Variants in CATSPERB observed in about 807,000 individuals in gnomAD.
The protein encoded by CATSPERB is cation channel sperm-associated auxiliary subunit beta.
In CATSPERB, 93 loss-of-function variants were observed where a neutral mutation model predicts 128.3. That is an observed-to-expected ratio of 0.72 (90% CI 0.61 to 0.86). CATSPERB has a LOEUF of 0.86. CATSPERB is among the 40% of genes least tolerant of loss of function. The pLI is 0.00. For synonymous variants in CATSPERB, 381 were observed against 448.8 expected, an observed-to-expected ratio of 0.85 and a Z score of 1.91; for missense variants, 1,153 against 1,329.5, an observed-to-expected ratio of 0.87 and a Z score of 2.06.
At chr14:91,703,796 A>G (rs1164071117) in intron 7 of CATSPERB, among the ~76,000 whole-genome samples, 1 of 152,172 alleles carries the variant, frequency 6.6e-6, no homozygotes, top group African/African-American at 2.4e-5. Flanking sequence ...AAACTGGCAA[A>G]CCTAAATAAA....
At chr14:91,628,680 C>T (rs1344509230) in intron 17 of CATSPERB, among the ~76,000 whole-genome samples, 2 of 152,216 alleles carry the variant, frequency 1.3e-5, no homozygotes, top group Admixed American at 6.5e-5. Context: ...CATCTTCCAC[C>T]ATGGCCTCCC....
intron 9 of CATSPERB, among the ~76,000 whole-genome samples, chr14:91,692,194 A>AAAG (rs1279962002): frequency 3.1e-4 from 47 of 150,096 alleles, no homozygotes; most frequent in South Asian, 4.2e-4. Flanking sequence ...AAAAAAAAAA[A>AAAG]AAGAAGAAGT....
At chr14:91,687,409 C>T (rs540570933) in intron 10 of CATSPERB, among the ~76,000 whole-genome samples, 5 of 152,112 alleles carry the variant, frequency 3.3e-5, no homozygotes, top group South Asian at 2.1e-4. Context: ...TTCAGTGAAT[C>T]GAATTAGTCC....
intron 7 of CATSPERB, among the ~76,000 whole-genome samples, chr14:91,694,597 TTAA>T (rs903965379): frequency 6.6e-6 from 1 of 152,080 alleles, no homozygotes; most frequent in African/African-American, 2.4e-5. Context: ...ACAATTTTAG[TTAA>T]TAATAATTTT....
intron 20 of CATSPERB, among the ~76,000 whole-genome samples, chr14:91,611,539 G>C (rs757232544): frequency 6.4e-4 from 98 of 152,272 alleles, no homozygotes; most frequent in Non-Finnish European, 1.3e-3. Context: ...GAGCCCGGGA[G>C]GTGAAGGTTG....
At chr14:91,681,074 T>C (rs1429953795) in intron 11 of CATSPERB, among the ~76,000 whole-genome samples, 3 of 152,228 alleles carry the variant, frequency 2.0e-5, no homozygotes, top group African/African-American at 7.2e-5. Context: ...TCATATGTTA[T>C]ATGCATGTTC....
chr14:91,661,101 G>A (rs1419086655), intron 14 of CATSPERB, among the ~76,000 whole-genome samples: 1 of 152,140 alleles, frequency 6.6e-6, no homozygotes, highest in Non-Finnish European at 1.5e-5. Flanking sequence ...AAAGCATATG[G>A]TATGTGGACC....
At chr14:91,692,809 C>T (rs1430833342) in intron 9 of CATSPERB, among the ~76,000 whole-genome samples, 1 of 152,122 alleles carries the variant, frequency 6.6e-6, no homozygotes, top group Non-Finnish European at 1.5e-5. Flanking sequence ...TATAAATTAC[C>T]TTAAAGCATT....
At chr14:91,713,857 A>G (rs1895884607) in intron 5 of CATSPERB, among the ~76,000 whole-genome samples, 1 of 152,170 alleles carries the variant, frequency 6.6e-6, no homozygotes, top group Non-Finnish European at 1.5e-5. Context: ...GAATGAAATA[A>G]AGACATTCCA....
intron 9 of CATSPERB, 97 bp from the exon 10 acceptor site, chr14:91,691,652 A>C (rs1725626162): frequency 1.1e-6 from 1 of 918,760 alleles, no homozygotes; most frequent in South Asian, 1.9e-5. Context: ...AAACCATATA[A>C]ATTCGTTGAA....
In CATSPERB at chr14:91,703,237, G is replaced by A. The variant is rs563055215; in HGVS notation, c.616+1315C>T. Among the ~76,000 whole-genome samples the A allele has an allele frequency of 4.6e-5, 7 of 152,292 alleles. No homozygotes were observed. The East Asian group carries it at 1.3e-3, about 29-fold the overall frequency. On this transcript the variant is annotated intron_variant, in intron 7 of 26. Transcript: ENST00000256343. ...AATTAAAATAATACTATTAGTAGTTGAAATGTGTAATGACATTGTGATATT... is the reference window on the plus strand; with the variant it reads ...AATTAAAATAATACTATTAGTAGTTAAAATGTGTAATGACATTGTGATATT...
intron 10 of CATSPERB, among the ~76,000 whole-genome samples, chr14:91,687,355 G>C (rs1371903808): frequency 6.6e-6 from 1 of 152,154 alleles, no homozygotes; most frequent in Non-Finnish European, 1.5e-5. Context: ...TTTGGGAGGT[G>C]ATAAGGTGAA....
intron 11 of CATSPERB, among the ~76,000 whole-genome samples, chr14:91,678,209 G>T (rs187130927): frequency 6.6e-6 from 1 of 152,160 alleles, no homozygotes; most frequent in Non-Finnish European, 1.5e-5. Context: ...GAGCCTACAC[G>T]TTCTGCACTT....
chr14:91,633,831 T>TAG (rs886902965), intron 17 of CATSPERB, among the ~76,000 whole-genome samples: 4 of 150,186 alleles, frequency 2.7e-5, no homozygotes, highest in East Asian at 1.9e-4. Context: ...TATATATATA[T>TAG]AGAGAGAGAG....
chr14:91,723,802 G>C (rs553977559), intron 3 of CATSPERB, among the ~76,000 whole-genome samples: 2 of 152,270 alleles, frequency 1.3e-5, no homozygotes, highest in East Asian at 3.9e-4. Flanking sequence ...GAATAAAACA[G>C]ACAGAACTCT....
chr14:91,591,524 A>G (rs1436606558), intron 23 of CATSPERB, among the ~76,000 whole-genome samples: 1 of 151,522 alleles, frequency 6.6e-6, no homozygotes, highest in Non-Finnish European at 1.5e-5. Context: ...CAAGAACCTG[A>G]TACTAGATAC....
chr14:91,687,244 A>G (rs1895391318), intron 10 of CATSPERB, among the ~76,000 whole-genome samples: 1 of 152,164 alleles, frequency 6.6e-6, no homozygotes, highest in Admixed American at 6.5e-5. Flanking sequence ...ATGTGAATGT[A>G]TTACCTATTT....
intron 5 of CATSPERB, among the ~76,000 whole-genome samples, chr14:91,717,874 C>G (rs1192400485): frequency 1.3e-5 from 2 of 152,170 alleles, no homozygotes; most frequent in African/African-American, 4.8e-5. Context: ...ATATTACTAT[C>G]TACATAAACC....
At chr14:91,722,945 G>A in intron 4 of CATSPERB, 104 bp downstream of exon 4, 1 of 841,034 alleles carries the variant, frequency 1.2e-6, no homozygotes, top group Non-Finnish European at 1.7e-6. Context: ...AACATACATA[G>A]ATGTAATATT....
Sources: allele counts gnomAD v4.1 joint callset (sites outside exome capture counted in the v4.1 genomes callset), GRCh38; gene constraint gnomAD v4.1.1; transcripts MANE v1.5; gene names NCBI Gene and HGNC (gene_info 2026-07-23, HGNC 2026-07-21).